ENOX1: variants seen among roughly 807,000 people sequenced by gnomAD.
ENOX1 encodes the protein candidate growth-related and time keeping constitutive hydroquinone (NADH) oxidase.
Under a neutral mutation model 82.5 loss-of-function variants are expected in ENOX1, and 42 were observed. The observed-to-expected ratio is 0.51, with a 90% CI of 0.40 to 0.66. ENOX1 has a LOEUF of 0.66. Ranked by LOEUF, ENOX1 falls within the 30% of genes least tolerant of loss-of-function variation. The pLI, the probability that ENOX1 is intolerant of heterozygous loss-of-function variation, is 0.00. For synonymous variants in ENOX1, 271 were observed against 282.2 expected, an observed-to-expected ratio of 0.96 and a Z score of 0.40; for missense variants, 608 against 811.6, an observed-to-expected ratio of 0.75 and a Z score of 3.05.
chr13:43,671,775 T>C (rs1230015561), intron 1 of ENOX1, among the ~76,000 whole-genome samples: 1 of 152,102 alleles, frequency 6.6e-6, no homozygotes, highest in Non-Finnish European at 1.5e-5. Flanking sequence ...AGCTCAAGGA[T>C]CCCTATCTCT....
chr13:43,597,166 C>T (rs2081509651), intron 2 of ENOX1, among the ~76,000 whole-genome samples: 1 of 152,142 alleles, frequency 6.6e-6, no homozygotes, highest in South Asian at 2.1e-4. Flanking sequence ...TGTGAGAACT[C>T]ACTCACTATT....
At chr13:43,634,953 G>A (rs1015523220) in intron 2 of ENOX1, among the ~76,000 whole-genome samples, 2 of 152,188 alleles carry the variant, frequency 1.3e-5, no homozygotes, top group Non-Finnish European at 2.9e-5. Context: ...AATCAGGCAT[G>A]GTGGCTCTCC....
intron 8 of ENOX1, among the ~76,000 whole-genome samples, chr13:43,355,234 C>T (rs889266666): frequency 3.9e-5 from 6 of 152,168 alleles, no homozygotes; most frequent in African/African-American, 4.8e-5. Flanking sequence ...CTGTAGTTCA[C>T]GGGGGCAGGT....
At chr13:43,469,566 A>C (rs2057895581) in intron 3 of ENOX1, among the ~76,000 whole-genome samples, 1 of 151,952 alleles carries the variant, frequency 6.6e-6, no homozygotes, top group South Asian at 2.1e-4. Context: ...TAAATATAAT[A>C]GTAGGTATTT....
chr13:43,614,813 A>C (rs905231955), intron 2 of ENOX1, among the ~76,000 whole-genome samples: 2 of 152,184 alleles, frequency 1.3e-5, no homozygotes, highest in Admixed American at 1.3e-4. Flanking sequence ...CGGGATGTGG[A>C]CTCTGGAGCC....
intron 2 of ENOX1, among the ~76,000 whole-genome samples, chr13:43,541,649 G>A (rs911938446): frequency 1.3e-5 from 2 of 152,110 alleles, no homozygotes; most frequent in Non-Finnish European, 2.9e-5. Flanking sequence ...AAGTTTCATC[G>A]TATTGCATTT....
At chr13:43,266,980 T>C (rs1374328442) in intron 13 of ENOX1, among the ~76,000 whole-genome samples, 3 of 152,170 alleles carry the variant, frequency 2.0e-5, no homozygotes, top group African/African-American at 7.2e-5. Context: ...ATAAACTCCA[T>C]TCTTCCCATT....
chr13:43,491,453 T>C (rs748210477), intron 2 of ENOX1, among the ~76,000 whole-genome samples: 39 of 152,172 alleles, frequency 2.6e-4, no homozygotes, highest in Non-Finnish European at 4.9e-4. Context: ...CCTCAGGCTA[T>C]AGTGGTGATA....
chr13:43,382,514 C>A (rs1321127768), intron 5 of ENOX1, among the ~76,000 whole-genome samples: 5 of 152,018 alleles, frequency 3.3e-5, no homozygotes, highest in Admixed American at 6.6e-5. Context: ...GTGAAAGAAA[C>A]CAGAAACTGA....
chr13:43,263,338 T>G (rs2044187431), intron 14 of ENOX1, among the ~76,000 whole-genome samples: 1 of 152,082 alleles, frequency 6.6e-6, no homozygotes, highest in South Asian at 2.1e-4. Context: ...ACCCCCTAGG[T>G]CAAGGTGCTG....
intron 11 of ENOX1, among the ~76,000 whole-genome samples, chr13:43,315,250 T>G (rs1208390850): frequency 6.6e-6 from 1 of 152,240 alleles, no homozygotes; most frequent in African/African-American, 2.4e-5. Flanking sequence ...ACAACTTTCA[T>G]TTTTTAAAAT....
intron 1 of ENOX1, among the ~76,000 whole-genome samples, chr13:43,692,707 C>T (rs914995888): frequency 2.0e-5 from 3 of 151,926 alleles, no homozygotes; most frequent in African/African-American, 7.3e-5. Flanking sequence ...TTTCAAATTC[C>T]CAAAGAAGTT....
intron 12 of ENOX1, among the ~76,000 whole-genome samples, chr13:43,275,590 A>G (rs1231197629): frequency 6.6e-6 from 1 of 152,114 alleles, no homozygotes; most frequent in Admixed American, 6.5e-5. Flanking sequence ...ACACACACAC[A>G]CACACACACA....
intron 14 of ENOX1, among the ~76,000 whole-genome samples, chr13:43,260,560 C>CAGTT (rs1323301671): frequency 1.3e-5 from 2 of 152,190 alleles, no homozygotes; most frequent in African/African-American, 4.8e-5. Context: ...CCTGATCCTA[C>CAGTT]AGTTCTCCCT....
At chr13:43,284,258 C>T (rs529505699) in intron 12 of ENOX1, among the ~76,000 whole-genome samples, 28 of 152,164 alleles carry the variant, frequency 1.8e-4, no homozygotes, top group Middle Eastern at 3.4e-3. Context: ...GAAATACAAA[C>T]CGTTAGGAAA....
At chr13:43,763,582 G>T (rs548876360) in intron 1 of ENOX1, among the ~76,000 whole-genome samples, 1 of 152,166 alleles carries the variant, frequency 6.6e-6, no homozygotes, top group Non-Finnish European at 1.5e-5. Context: ...AGTTGCTTCA[G>T]TGTCTTCTCA....
intron 2 of ENOX1, among the ~76,000 whole-genome samples, chr13:43,541,552 T>C (rs2078729627): frequency 6.6e-6 from 1 of 152,104 alleles, no homozygotes; most frequent in Non-Finnish European, 1.5e-5. Flanking sequence ...GTGCACCACA[T>C]ACTATATTAT....
chr13:43,427,753 A>G (rs2153611750), intron 3 of ENOX1, among the ~76,000 whole-genome samples: 2 of 152,350 alleles, frequency 1.3e-5, no homozygotes, highest in Non-Finnish European at 2.9e-5. Flanking sequence ...AGCAGACATG[A>G]ACTTGCTATA....
chr13:43,502,796 T>G (rs541446802), intron 2 of ENOX1, among the ~76,000 whole-genome samples: 2 of 151,532 alleles, frequency 1.3e-5, no homozygotes, highest in South Asian at 4.2e-4. Flanking sequence ...CCAGAACAAG[T>G]AAGGATATCC....
Sources: gnomAD v4.1 joint callset for allele counts (sites outside exome capture counted in the v4.1 genomes callset) on GRCh38, gnomAD v4.1.1 for gene constraint, MANE v1.5 for transcripts, NCBI Gene and HGNC (gene_info 2026-07-23, HGNC 2026-07-21) for gene names.